The following TBC1D19 variants were observed in gnomAD, a reference collection of about 807,000 sequenced individuals.
TBC1D19 encodes the protein TBC1 domain family member 19.
In TBC1D19, 60 loss-of-function variants were observed where a neutral mutation model predicts 89.0. The ratio of observed to expected loss-of-function variants is 0.67; its 90% CI spans 0.55 to 0.84. The LOEUF (loss-of-function observed/expected upper bound fraction) is 0.84. Among genes scored for constraint, TBC1D19 ranks in the 40% least tolerant of loss-of-function variants. The pLI is 0.00. For synonymous variants in TBC1D19, 189 were observed against 199.7 expected, an observed-to-expected ratio of 0.95 and a Z score of 0.45; for missense variants, 500 against 610.8, an observed-to-expected ratio of 0.82 and a Z score of 1.91.
chr4:26,681,729 A>G (rs556027261), intron 11 of TBC1D19, among the ~76,000 whole-genome samples: 2 of 152,358 alleles, frequency 1.3e-5, no homozygotes, highest in East Asian at 1.9e-4. Context: ...TCTATACCAC[A>G]GCTTTAAAAA....
chr4:26,697,183 C>T (rs879139003), intron 13 of TBC1D19, among the ~76,000 whole-genome samples: 6 of 152,082 alleles, frequency 3.9e-5, no homozygotes, highest in African/African-American at 9.6e-5. Flanking sequence ...ATGTCACCAC[C>T]GATCCCACAG....
intron 1 of TBC1D19, among the ~76,000 whole-genome samples, chr4:26,605,308 G>GT (rs1168286145): frequency 6.8e-6 from 1 of 147,004 alleles, no homozygotes; most frequent in East Asian, 2.0e-4. Context: ...GCGGTGTTTG[G>GT]TTTTTTGTCC....
At chr4:26,739,022 T>C (rs976561665) in intron 16 of TBC1D19, among the ~76,000 whole-genome samples, 1 of 152,184 alleles carries the variant, frequency 6.6e-6, no homozygotes, top group Non-Finnish European at 1.5e-5. Context: ...TTAAAATTAA[T>C]ATTTAGGTAA....
At chr4:26,835,930 T>C in the TBC1D19 span, among the ~76,000 whole-genome samples, 1 of 152,166 alleles carries the variant, frequency 6.6e-6, no homozygotes, top group East Asian at 1.9e-4. Context: ...TCAAAATACG[T>C]ATGCTGCCTA....
chr4:26,833,192 T>C, the TBC1D19 span, among the ~76,000 whole-genome samples: 1 of 151,936 alleles, frequency 6.6e-6, no homozygotes, highest in Non-Finnish European at 1.5e-5. Context: ...TATATTTAGG[T>C]TGACATGAGG....
At chr4:26,792,486 A>C in the TBC1D19 span, among the ~76,000 whole-genome samples, 1 of 152,284 alleles carries the variant, frequency 6.6e-6, no homozygotes, top group East Asian at 1.9e-4. Flanking sequence ...GCTATAAAGG[A>C]ATCTGATGAA....
the TBC1D19 span, among the ~76,000 whole-genome samples, chr4:26,845,863 G>T: frequency 9.2e-5 from 14 of 152,124 alleles, no homozygotes; most frequent in South Asian, 2.1e-4. Context: ...AGAACAGTAT[G>T]GGGGAAACTG....
chr4:26,857,483 C>T, the TBC1D19 span, among the ~76,000 whole-genome samples: 2 of 152,250 alleles, frequency 1.3e-5, no homozygotes, highest in Non-Finnish European at 2.9e-5. Flanking sequence ...ATACCTCCAC[C>T]CCTACTACCG....
intron 7 of TBC1D19, among the ~76,000 whole-genome samples, chr4:26,647,171 G>A (rs931035387): frequency 1.3e-5 from 2 of 152,106 alleles, no homozygotes; most frequent in African/African-American, 4.8e-5. Context: ...ATGAGAAAAA[G>A]AAAAGATAAT....
chr4:26,814,642 A>T, the TBC1D19 span, among the ~76,000 whole-genome samples: 1 of 152,200 alleles, frequency 6.6e-6, no homozygotes, highest in Non-Finnish European at 1.5e-5. Context: ...ATCCTCTGCC[A>T]TTCTGGAATC....
At chr4:26,610,447 T>C (rs1221526128) in intron 1 of TBC1D19, among the ~76,000 whole-genome samples, 1 of 151,160 alleles carries the variant, frequency 6.6e-6, no homozygotes, top group Non-Finnish European at 1.5e-5. Context: ...TTCTGTTAGA[T>C]ATTTTATTAT....
chr4:26,731,335 T>C (rs1717651557), intron 15 of TBC1D19, among the ~76,000 whole-genome samples: 2 of 151,920 alleles, frequency 1.3e-5, no homozygotes, highest in Non-Finnish European at 2.9e-5. Context: ...GGGGTGGCGA[T>C]CAATTTGGAG....
chr4:26,761,307 A>C, the TBC1D19 span, among the ~76,000 whole-genome samples: 1 of 152,210 alleles, frequency 6.6e-6, no homozygotes, highest in Non-Finnish European at 1.5e-5. Context: ...TGATATCATT[A>C]ACAATGTTGA....
At chr4:26,769,324 C>T in the TBC1D19 span, among the ~76,000 whole-genome samples, 1 of 151,622 alleles carries the variant, frequency 6.6e-6, no homozygotes, top group Non-Finnish European at 1.5e-5. Flanking sequence ...AAAAATGGCT[C>T]TAAAAGGAAA....
the TBC1D19 span, among the ~76,000 whole-genome samples, chr4:26,834,046 G>GTTCTTATGAGAT: frequency 6.6e-6 from 1 of 152,154 alleles, no homozygotes; most frequent in East Asian, 1.9e-4. Flanking sequence ...TAGTCAGTGA[G>GTTCTTATGAGAT]TTCTTATGAG....
At chr4:26,768,520 G>GAC in the TBC1D19 span, among the ~76,000 whole-genome samples, 18 of 152,244 alleles carry the variant, frequency 1.2e-4, no homozygotes, top group Admixed American at 9.8e-4. Context: ...AATCAAAAGG[G>GAC]ACTGTAAATG....
chr4:26,764,084 A>T, the TBC1D19 span, among the ~76,000 whole-genome samples: 1,060 of 152,342 alleles, frequency 7.0e-3, 12 homozygotes, highest in African/African-American at 0.024. Context: ...TTTGCAATCA[A>T]GTATAAAAGT....
chr4:26,697,464 A>G (rs1577950138), intron 13 of TBC1D19, among the ~76,000 whole-genome samples: 1 of 152,194 alleles, frequency 6.6e-6, no homozygotes, highest in African/African-American at 2.4e-5. Context: ...TCCTTCTGAA[A>G]CTATTCCAAT....
At chr4:26,771,766 T>C in the TBC1D19 span, among the ~76,000 whole-genome samples, 279 of 152,300 alleles carry the variant, frequency 1.8e-3, no homozygotes, top group African/African-American at 6.4e-3. Context: ...CAATACTGTA[T>C]TATACACTTA....
Sources: allele counts gnomAD v4.1 joint callset (sites outside exome capture counted in the v4.1 genomes callset), GRCh38; gene constraint gnomAD v4.1.1; transcripts MANE v1.5; gene names NCBI Gene and HGNC (gene_info 2026-07-23, HGNC 2026-07-21).